FAM133B: variants seen among roughly 807,000 people sequenced by gnomAD.
FAM133B encodes the protein family with sequence similarity 133 member B.
FAM133B carries 25 observed loss-of-function variants against 46.4 expected under a neutral mutation model. The ratio of observed to expected loss-of-function variants is 0.54; its 90% CI spans 0.39 to 0.75. The LOEUF (loss-of-function observed/expected upper bound fraction) is 0.75, where lower values mean the gene tolerates loss of function less well. Among genes scored for constraint, FAM133B ranks in the 30% least tolerant of loss-of-function variants. The pLI is 0.00. For synonymous variants in FAM133B, 75 were observed against 86.0 expected (o/e 0.87, Z 0.71); for missense variants, 205 against 277.6 (o/e 0.74, Z 1.86).
intron 1 of FAM133B, 198 bp from the exon 2 acceptor site, chr7:92,581,801 TG>T: frequency 3.9e-6 from 1 of 257,482 alleles, no homozygotes. Context: ...AAATTGTGTG[TG>T]TGTGTGTGTG....
At chr7:92,562,486 A>G in intron 10 of FAM133B, 118 bp from the exon 11 acceptor site, 1 of 1,347,938 alleles carries the variant, frequency 7.4e-7, no homozygotes, top group South Asian at 1.6e-5. Flanking sequence ...CAAGAAAACT[A>G]CTCAAAACAT....
At chr7:92,582,432 A>G (rs1585314203) in intron 1 of FAM133B, among the ~76,000 whole-genome samples, 2 of 152,386 alleles carry the variant, frequency 1.3e-5, no homozygotes, top group East Asian at 3.9e-4. Context: ...CATAGTGATG[A>G]CAATTTTATT....
At chr7:92,579,924 C>T (rs1794817070) in intron 2 of FAM133B, among the ~76,000 whole-genome samples, 1 of 152,182 alleles carries the variant, frequency 6.6e-6, no homozygotes, top group Non-Finnish European at 1.5e-5. Context: ...CTTGGAAAGA[C>T]ATACTTAAAA....
intron 1 of FAM133B, among the ~76,000 whole-genome samples, chr7:92,589,002 T>C (rs182083534): frequency 5.3e-4 from 80 of 152,298 alleles, no homozygotes; most frequent in African/African-American, 1.9e-3. Flanking sequence ...TTTTTCTTTA[T>C]AAAAGCCATG....
intron 8 of FAM133B, among the ~76,000 whole-genome samples, chr7:92,575,235 A>G (rs1415129715): frequency 6.6e-6 from 1 of 152,060 alleles, no homozygotes; most frequent in Non-Finnish European, 1.5e-5. Flanking sequence ...CTGGGCACGG[A>G]GAGGCCGAGG....
chr7:92,585,389 G>C (rs989592437), intron 1 of FAM133B: 1 of 983,948 alleles, frequency 1.0e-6, no homozygotes, highest in African/African-American at 1.8e-5. Flanking sequence ...TCATAATTTT[G>C]GCAGTACCTA....
intron 1 of FAM133B, among the ~76,000 whole-genome samples, chr7:92,585,992 TAC>T (rs1795026713): frequency 6.6e-6 from 1 of 152,242 alleles, no homozygotes; most frequent in African/African-American, 2.4e-5. Context: ...TACCATGTTT[TAC>T]AGTCTTCAAG....
chr7:92,588,082 A>T (rs1216521889), intron 1 of FAM133B, among the ~76,000 whole-genome samples: 2 of 152,200 alleles, frequency 1.3e-5, no homozygotes, highest in Non-Finnish European at 2.9e-5. Context: ...TCCTCTATGC[A>T]ATGAGGAGAC....
At chr7:92,586,122 A>G (rs188309222) in intron 1 of FAM133B, among the ~76,000 whole-genome samples, 341 of 152,340 alleles carry the variant, frequency 2.2e-3, no homozygotes, top group South Asian at 8.3e-3. Context: ...AAATGCTAGT[A>G]AAGTAGTATA....
At chr7:92,576,448 T>C (rs6962090) in intron 7 of FAM133B, among the ~76,000 whole-genome samples, 9,950 of 151,544 alleles carry the variant, frequency 0.066, 405 homozygotes, top group Non-Finnish European at 0.087. Context: ...AGAAGATCTC[T>C]CACGGGGGCA....
In FAM133B at chr7:92,589,299, C is replaced by T. The variant is rs187409882; in HGVS notation, c.24+969G>A. 2.7e-3 allele frequency among the ~76,000 whole-genome samples: 406 copies of T among 152,326 alleles called. 13 individuals carry two copies. The highest frequency in any genetic ancestry group is 0.026 in the Admixed American group (392 of 15,310). ...TAACCTGAGTTTTTCAGCCCCCTCC[C>T]CGCCCCAGCGGTCTAGAATACTTTC... On this transcript the variant is annotated intron_variant, in intron 1 of 10. Transcript: ENST00000445716.
intron 3 of FAM133B, 92 bp downstream of exon 3, chr7:92,579,225 C>T (rs545119431): frequency 4.9e-5 from 54 of 1,092,544 alleles, no homozygotes; most frequent in Admixed American, 3.1e-4. Flanking sequence ...CCTGGCCTCC[C>T]GTTTCGGCCT....
intron 10 of FAM133B, chr7:92,565,729 C>A: frequency 3.0e-6 from 1 of 334,764 alleles, no homozygotes; most frequent in Non-Finnish European, 5.5e-6. Flanking sequence ...TCTCAAAGTG[C>A]TGGGATTACA....
intron 1 of FAM133B, among the ~76,000 whole-genome samples, chr7:92,582,293 C>CATAACATAA (rs144634380): frequency 0.032 from 4,459 of 140,784 alleles, 163 homozygotes; most frequent in African/African-American, 0.099. Flanking sequence ...CATAACATAA[C>CATAACATAA]ATAACATAAA....
At chr7:92,583,284 A>G (rs1317232505) in intron 1 of FAM133B, among the ~76,000 whole-genome samples, 1 of 152,230 alleles carries the variant, frequency 6.6e-6, no homozygotes, top group Non-Finnish European at 1.5e-5. Context: ...AAAAGAAAGT[A>G]GAATGGAGGT....
chr7:92,579,203 T>C, intron 3 of FAM133B, 114 bp downstream of exon 3: 2 of 786,108 alleles, frequency 2.5e-6, no homozygotes, highest in South Asian at 3.3e-5. Context: ...TTGCCCAGGC[T>C]GGTCATGAAC....
At chr7:92,563,334 A>G (rs1273125035) in intron 10 of FAM133B, among the ~76,000 whole-genome samples, 5 of 152,168 alleles carry the variant, frequency 3.3e-5, no homozygotes, top group Non-Finnish European at 5.9e-5. Context: ...ACAGAGTCCA[A>G]AATCTTGTAA....
At position 92,590,370 on chromosome 7, in the gene FAM133B, C is replaced by G; in HGVS notation, c.-79G>C. 3 of 1,600,372 alleles carry G rather than the reference C, an allele frequency of 1.9e-6. No individual in the cohort carries two copies. Among genetic ancestry groups the G allele is most frequent in the Non-Finnish European group, 2.6e-6 (3 of 1,172,040 alleles). On this transcript the variant is annotated 5_prime_UTR_variant, in exon 1 of 11. Coordinates refer to ENST00000445716, the MANE Select transcript of FAM133B (RefSeq NM_152789.4). ...TGCCGAAGAGGGCCTGCCGCAGGTC[C>G]TCTTGCCGCCTCCCCACTCCGCCTA...
At chr7:92,589,322 T>C (rs1470067116) in intron 1 of FAM133B, among the ~76,000 whole-genome samples, 1 of 152,212 alleles carries the variant, frequency 6.6e-6, no homozygotes, top group East Asian at 1.9e-4. Context: ...CTAGAATACT[T>C]TCCTCCCATC....
Sources: allele counts gnomAD v4.1 joint callset (sites outside exome capture counted in the v4.1 genomes callset), GRCh38; gene constraint gnomAD v4.1.1; transcripts MANE v1.5; gene names NCBI Gene and HGNC (gene_info 2026-07-23, HGNC 2026-07-21).